The following MCOLN3 variants were observed in gnomAD, a reference collection of about 807,000 sequenced individuals.
The protein encoded by MCOLN3 is mucolipin TRP cation channel 3, also known as mucolipin-3.
A neutral mutation model predicts 69.4 loss-of-function variants in MCOLN3; 62 were observed. The observed-to-expected ratio is 0.89, with a 90% CI of 0.73 to 1.10. The LOEUF is 1.10. Ranked by LOEUF, MCOLN3 falls within the 50% of genes least tolerant of loss-of-function variation. MCOLN3 has a pLI of 0.00. For missense variants in MCOLN3, 564 were observed against 656.4 expected, an observed-to-expected ratio of 0.86 and a Z score of 1.54; for synonymous variants, 183 against 217.0, an observed-to-expected ratio of 0.84 and a Z score of 1.38.
In MCOLN3 at chr1:85,029,297, G is replaced by C. The variant is rs1193362260; in HGVS notation, c.733-92C>G. On this transcript the variant is annotated intron_variant, in intron 6 of 12. Coordinates refer to ENST00000370589, the MANE Select transcript of MCOLN3 (RefSeq NM_018298.11). ...AATTAGGAAACAATTCTTTCAAGGG[G>C]ACAGGAGACCCAGATTCTCAACTCT... The C allele has an allele frequency of 1.8e-5, 13 of 730,178 alleles. No homozygotes were observed. The South Asian group carries it at 2.0e-4, about 11-fold the overall frequency. The allele number at this position is 730,178 out of a possible 1,614,324, so 45.2% of individuals were successfully genotyped here.
chr1:85,042,300 T>C (rs866123850), intron 2 of MCOLN3, among the ~76,000 whole-genome samples: 1 of 152,342 alleles, frequency 6.6e-6, no homozygotes, highest in Middle Eastern at 3.4e-3. Flanking sequence ...CTATCCACCC[T>C]GTCATGCTAC....
At chr1:85,028,354 C>G (rs34482655) in intron 7 of MCOLN3, among the ~76,000 whole-genome samples, 30,693 of 152,100 alleles carry the variant, frequency 0.2, 3,466 homozygotes, top group South Asian at 0.29. Context: ...GGCCCCACCC[C>G]AGACCTACTG....
At chr1:85,029,046 T>C (rs576879678) in intron 7 of MCOLN3, 60 bp downstream of exon 7, 4 of 1,133,812 alleles carry the variant, frequency 3.5e-6, no homozygotes, top group Non-Finnish European at 5.3e-6. Context: ...GGTGCTATTT[T>C]AATAACCATT....
intron 4 of MCOLN3, among the ~76,000 whole-genome samples, chr1:85,033,192 T>C (rs190060364): frequency 3.0e-4 from 45 of 152,332 alleles, no homozygotes; most frequent in African/African-American, 1.1e-3. Flanking sequence ...GACAAAGATC[T>C]GAACTCTATT....
chr1:85,040,212 A>C (rs1370032136), intron 3 of MCOLN3, among the ~76,000 whole-genome samples: 2 of 152,230 alleles, frequency 1.3e-5, no homozygotes, highest in Admixed American at 1.3e-4. Context: ...CAGTGCTAAC[A>C]GAAAGACTTC....
At chr1:85,030,123 C>G (rs1652434410) in intron 6 of MCOLN3, among the ~76,000 whole-genome samples, 1 of 152,142 alleles carries the variant, frequency 6.6e-6, no homozygotes, top group Non-Finnish European at 1.5e-5. Flanking sequence ...TGCCCATATC[C>G]CTAACGGCTG....
intron 9 of MCOLN3, among the ~76,000 whole-genome samples, chr1:85,023,842 T>A (rs1053739213): frequency 1.3e-5 from 2 of 152,062 alleles, no homozygotes; most frequent in Non-Finnish European, 2.9e-5. Flanking sequence ...GACCAGCCAG[T>A]GACTTAGGAG....
intron 7 of MCOLN3, 100 bp downstream of exon 7, chr1:85,029,006 T>A: frequency 1.4e-6 from 1 of 737,898 alleles, no homozygotes. Flanking sequence ...AATGGTCTAA[T>A]CTTCTATTTG....
At chr1:85,045,740 G>T (rs1245039252) in intron 1 of MCOLN3, among the ~76,000 whole-genome samples, 12 of 152,274 alleles carry the variant, frequency 7.9e-5, no homozygotes, top group Admixed American at 7.8e-4. Flanking sequence ...GGGCCTTGAA[G>T]TTATATGAAA....
At position 85,048,428 on chromosome 1, in the gene MCOLN3, G is replaced by C. The variant is rs991913398; in HGVS notation, c.-35C>G. 5 of 152,116 alleles carry C rather than the reference G, an allele frequency of 3.3e-5. No individual in the cohort carries two copies. Among genetic ancestry groups the C allele is most frequent in the Non-Finnish European group, 5.9e-5 (4 of 68,028 alleles). The allele number at this position is 152,116 out of a possible 1,614,324, so 9.4% of individuals were successfully genotyped here. A position where few individuals can be genotyped will look rare whatever the true frequency, so the allele number is the denominator to read the frequency against. ...ACAGCGGGGAGCGGCCGCAGCTCCG[G>C]TGTCCGCGGCGAGGGCGCAGGGCGA... On this transcript the variant is annotated 5_prime_UTR_variant, in exon 1 of 13. Transcript: ENST00000370589.
intron 9 of MCOLN3, chr1:85,024,406 A>G (rs1472712605): frequency 6.6e-6 from 1 of 152,246 alleles, no homozygotes; most frequent in Non-Finnish European, 1.5e-5. Flanking sequence ...ACAAGTGGTG[A>G]TGGCCTCTAG....
intron 3 of MCOLN3, among the ~76,000 whole-genome samples, chr1:85,039,580 T>C (rs1404989821): frequency 3.9e-5 from 6 of 152,190 alleles, no homozygotes; most frequent in Non-Finnish European, 5.9e-5. Flanking sequence ...GGTACCTGCA[T>C]TTCCAGAAGG....
intron 3 of MCOLN3, among the ~76,000 whole-genome samples, chr1:85,034,516 C>T (rs1352191781): frequency 6.6e-6 from 1 of 152,222 alleles, no homozygotes; most frequent in Non-Finnish European, 1.5e-5. Flanking sequence ...TCTGAAGCCA[C>T]ATACTCTTTG....
intron 4 of MCOLN3, among the ~76,000 whole-genome samples, chr1:85,033,388 C>CCA (rs1357581804): frequency 6.6e-6 from 1 of 151,882 alleles, no homozygotes; most frequent in Non-Finnish European, 1.5e-5. Context: ...AATAGACATC[C>CCA]CACACACACA....
At chr1:85,028,777 A>G (rs1327173298) in intron 7 of MCOLN3, among the ~76,000 whole-genome samples, 10 of 152,232 alleles carry the variant, frequency 6.6e-5, no homozygotes, top group Non-Finnish European at 1.3e-4. Context: ...ATTAAAATGA[A>G]GAAAACTAAG....
At chr1:85,031,065 G>C (rs1652490156) in intron 6 of MCOLN3, among the ~76,000 whole-genome samples, 1 of 152,078 alleles carries the variant, frequency 6.6e-6, no homozygotes, top group Non-Finnish European at 1.5e-5. Flanking sequence ...GAGGTCAAGA[G>C]ATCAAGACCA....
intron 9 of MCOLN3, chr1:85,025,612 C>T: frequency 5.4e-6 from 1 of 186,772 alleles, no homozygotes; most frequent in South Asian, 1.4e-4. Flanking sequence ...AAACTCTTAC[C>T]TTAGTTACCT....
At position 85,037,651 on chromosome 1, in the gene MCOLN3, G is replaced by C. The variant is rs75717170; in HGVS notation, c.396+3359C>G. Among the ~76,000 whole-genome samples, 642 of 152,326 alleles carry C rather than the reference G, an allele frequency of 4.2e-3. 3 individuals carry two copies. Among genetic ancestry groups the C allele is most frequent in the African/African-American group, 0.015 (622 of 41,564 alleles). The stretch of plus-strand genomic sequence containing the variant: ...TTCATATGGCTCTTTGTGCAGGTCT[G>C]AGCATCTGGCAAGAACTGGGTAATC... On this transcript the variant is annotated intron_variant, in intron 3 of 12. Transcript: ENST00000370589.
Position 85,039,986 on chromosome 1 carries a change from G to A in MCOLN3, c.396+1024C>T, listed in dbSNP as rs115946214. On this transcript the variant is annotated intron_variant, in intron 3 of 12. Transcript: ENST00000370589. ...AAATTTAATGAACTGTTTACCTCTT[G>A]CCTCTATCCCACTCCCCGCCACCCC... Among the ~76,000 whole-genome samples the A allele has an allele frequency of 1.3e-3, 198 of 151,672 alleles. 1 individual carries two copies. Among genetic ancestry groups the A allele is most frequent in the African/African-American group, 4.5e-3 (188 of 41,326 alleles).
Sources: gnomAD v4.1 joint callset for allele counts (sites outside exome capture counted in the v4.1 genomes callset) on GRCh38, gnomAD v4.1.1 for gene constraint, MANE v1.5 for transcripts, NCBI Gene and HGNC (gene_info 2026-07-23, HGNC 2026-07-21) for gene names.